Variants in DOCK7 observed in about 807,000 individuals in gnomAD.
DOCK7 encodes the protein dedicator of cytokinesis protein 7.
DOCK7 carries 138 observed loss-of-function variants against 271.0 expected under a neutral mutation model. The ratio of observed to expected loss-of-function variants is 0.51; its 90% CI spans 0.44 to 0.59. The LOEUF (loss-of-function observed/expected upper bound fraction) is 0.59. Ranked by LOEUF, DOCK7 falls within the 20% of genes least tolerant of loss-of-function variation. The probability of loss-of-function intolerance (pLI) is 0.00; values close to 1 mark genes in which losing one functional copy is unlikely to be tolerated. For synonymous variants in DOCK7, 823 were observed against 876.1 expected, an observed-to-expected ratio of 0.94 and a Z score of 1.07; for missense variants, 2,066 against 2,592.4, an observed-to-expected ratio of 0.80 and a Z score of 4.41.
At chr1:62,485,810 GT>G in intron 43 of DOCK7, 1 of 659,940 alleles carries the variant, frequency 1.5e-6, no homozygotes, top group Non-Finnish European at 1.9e-6. Context: ...ATCCATTTAA[GT>G]TTTACAAAGG....
At chr1:62,687,179 T>C (rs966246221) in intron 1 of DOCK7, among the ~76,000 whole-genome samples, 1 of 152,216 alleles carries the variant, frequency 6.6e-6, no homozygotes, top group Non-Finnish European at 1.5e-5. Context: ...GAATGCTTCT[T>C]TTCTTGGGAC....
chr1:62,574,290 A>G (rs1646876276), intron 18 of DOCK7, among the ~76,000 whole-genome samples: 1 of 152,210 alleles, frequency 6.6e-6, no homozygotes, highest in Non-Finnish European at 1.5e-5. Flanking sequence ...AAATGCTATC[A>G]TTGTTCTAAC....
chr1:62,539,421 G>T, intron 27 of DOCK7, 124 bp downstream of exon 27: 3 of 740,278 alleles, frequency 4.1e-6, no homozygotes, highest in South Asian at 2.2e-5. Flanking sequence ...ATGTTACTTT[G>T]GCTACTTTTT....
At chr1:62,685,800 C>A (rs1327491338) in intron 1 of DOCK7, among the ~76,000 whole-genome samples, 1 of 152,254 alleles carries the variant, frequency 6.6e-6, no homozygotes, top group Admixed American at 6.5e-5. Flanking sequence ...GGTTGCCCAA[C>A]TTAGGATGTC....
At chr1:62,630,510 T>G (rs1423952108) in intron 11 of DOCK7, among the ~76,000 whole-genome samples, 1 of 151,624 alleles carries the variant, frequency 6.6e-6, no homozygotes, top group East Asian at 1.9e-4. Context: ...ACAGGTGCAC[T>G]CACACACACA....
chr1:62,659,188 C>T (rs1557871479), intron 2 of DOCK7, among the ~76,000 whole-genome samples: 1 of 152,118 alleles, frequency 6.6e-6, no homozygotes, highest in Non-Finnish European at 1.5e-5. Flanking sequence ...ATAGACTTTC[C>T]TTTTCCTCTT....
intron 37 of DOCK7, among the ~76,000 whole-genome samples, chr1:62,500,028 T>C (rs1199788537): frequency 1.3e-5 from 2 of 151,562 alleles, no homozygotes; most frequent in African/African-American, 2.4e-5. Flanking sequence ...GTGCCTGCAA[T>C]AGCAAAATCC....
intron 19 of DOCK7, among the ~76,000 whole-genome samples, chr1:62,559,930 CAT>C (rs1266829313): frequency 1.3e-5 from 2 of 152,094 alleles, no homozygotes; most frequent in Non-Finnish European, 2.9e-5. Context: ...AATTTTGGTA[CAT>C]GTTAGGCAAA....
At position 62,688,253 on chromosome 1, in the gene DOCK7, G is replaced by A; in HGVS notation, c.12C>T (p.Arg4=). 7.3e-7 allele frequency: 1 copy of A among 1,364,010 alleles called. No individual in the cohort carries two copies. Among genetic ancestry groups the A allele is most frequent in the Non-Finnish European group, 9.6e-7 (1 of 1,044,512 alleles). The allele number at this position is 1,364,010 out of a possible 1,614,324, so 84.5% of individuals were successfully genotyped here. A position where few individuals can be genotyped will look rare whatever the true frequency, so the allele number is the denominator to read the frequency against. Residue 4 remains arginine, a synonymous_variant, in exon 1 of 50, where the codon CGC becomes CGT. Coordinates refer to ENST00000635253, the MANE Select transcript of DOCK7 (RefSeq NM_001367561.1). ...TGCTGATCTTCTGGGCGAAGGCGCG[G>A]CGCTCGGCCATGGCTGCTGCGGCGA... is the stretch of plus-strand genomic sequence containing the variant. The part of the protein sequence containing the change: MAE[R]RAFAQKISRT...
intron 1 of DOCK7, among the ~76,000 whole-genome samples, chr1:62,665,176 A>G (rs1281805906): frequency 6.6e-6 from 1 of 151,922 alleles, no homozygotes; most frequent in Non-Finnish European, 1.5e-5. Flanking sequence ...TTTAGTAGAG[A>G]CGGGGCTTCG....
At chr1:62,518,942 GTTT>G (rs1401428856) in intron 31 of DOCK7, among the ~76,000 whole-genome samples, 2 of 151,438 alleles carry the variant, frequency 1.3e-5, no homozygotes, top group African/African-American at 4.9e-5. Context: ...ACTATATGCT[GTTT>G]TTAAAAGAAG....
intron 30 of DOCK7, among the ~76,000 whole-genome samples, chr1:62,528,746 C>T (rs1645088037): frequency 1.3e-5 from 2 of 152,036 alleles, no homozygotes. Flanking sequence ...CCCTCATTTG[C>T]CCTAAAGAAA....
At chr1:62,587,299 T>TAAAAAAAAA in intron 14 of DOCK7, among the ~76,000 whole-genome samples, 280 of 41,684 alleles carry the variant, frequency 6.7e-3, no homozygotes, top group Middle Eastern at 0.02. Context: ...ACCAAATAGC[T>TAAAAAAAAA]AAAAAAAAAA....
intron 43 of DOCK7, chr1:62,479,747 A>G (rs1183260): frequency 0.59 from 217,851 of 368,188 alleles, 67,910 homozygotes; most frequent in East Asian, 0.75. Flanking sequence ...ACAGTGGTGC[A>G]ACCACAGCTC....
intron 1 of DOCK7, among the ~76,000 whole-genome samples, chr1:62,664,876 G>A (rs748206010): frequency 6.6e-6 from 1 of 152,126 alleles, no homozygotes; most frequent in Non-Finnish European, 1.5e-5. Flanking sequence ...AATCTGGAGA[G>A]AGAATGAAAT....
intron 44 of DOCK7, chr1:62,477,149 T>A: frequency 6.6e-6 from 1 of 152,166 alleles, no homozygotes; most frequent in African/African-American, 2.4e-5. Flanking sequence ...AGAGAAAGGT[T>A]GGAAAGAATA....
intron 18 of DOCK7, among the ~76,000 whole-genome samples, chr1:62,569,180 T>A (rs2149463887): frequency 6.6e-6 from 1 of 152,202 alleles, no homozygotes; most frequent in Middle Eastern, 3.4e-3. Flanking sequence ...GCTGGTACCA[T>A]TTCCTCTAAA....
At chr1:62,616,761 G>C (rs920264923) in intron 14 of DOCK7, among the ~76,000 whole-genome samples, 1 of 151,608 alleles carries the variant, frequency 6.6e-6, no homozygotes, top group South Asian at 2.1e-4. Flanking sequence ...ATGTCAACAC[G>C]AAATTTCAGA....
chr1:62,598,051 CT>C, intron 14 of DOCK7: 1 of 1,583,540 alleles, frequency 6.3e-7, no homozygotes, highest in East Asian at 2.3e-5. Flanking sequence ...CCAGAAGTAA[CT>C]TCACTTAAAG....
Sources: gnomAD v4.1 joint callset for allele counts (sites outside exome capture counted in the v4.1 genomes callset) on GRCh38, gnomAD v4.1.1 for gene constraint, MANE v1.5 for transcripts, NCBI Gene and HGNC (gene_info 2026-07-23, HGNC 2026-07-21) for gene names.